Variants in MYO7A observed in about 807,000 individuals in gnomAD.
MYO7A encodes the protein unconventional myosin-VIIa.
A neutral mutation model predicts 263.8 loss-of-function variants in MYO7A; 210 were observed. The ratio of observed to expected loss-of-function variants is 0.80; its 90% CI spans 0.71 to 0.89. MYO7A has a LOEUF of 0.89. MYO7A is among the 40% of genes least tolerant of loss of function. The probability of loss-of-function intolerance (pLI) is 0.00; values close to 1 mark genes in which losing one functional copy is unlikely to be tolerated. For synonymous variants in MYO7A, 1,239 were observed against 1,197.3 expected, an observed-to-expected ratio of 1.03 and a Z score of -0.72; for missense variants, 2,820 against 2,968.3, an observed-to-expected ratio of 0.95 and a Z score of 1.16.
chr11:77,147,241 A>G (rs1313220318), intron 3 of MYO7A, among the ~76,000 whole-genome samples: 5 of 148,956 alleles, frequency 3.4e-5, no homozygotes, highest in African/African-American at 1.0e-4. Context: ...TAATCTTTTT[A>G]CAGTGGTCTC....
intron 26 of MYO7A, among the ~76,000 whole-genome samples, chr11:77,183,431 G>A (rs555207917): frequency 6.6e-6 from 1 of 152,370 alleles, no homozygotes; most frequent in South Asian, 2.1e-4. Context: ...TAGCGGCACA[G>A]CTGAGAGGGA....
rs1957822119 is a variant in MYO7A at position 77,210,980 on chromosome 11, T to C, written c.6052-172T>C. The C allele has an allele frequency of 3.2e-5, 20 of 630,452 alleles. No individual in the cohort carries two copies. The South Asian group carries it at 3.7e-4, about 12-fold the overall frequency. 39.1% of individuals were successfully genotyped at this position (630,452 alleles called of 1,614,324 possible). On this transcript the variant is annotated intron_variant, in intron 44 of 48. Coordinates refer to ENST00000409709, the MANE Select transcript of MYO7A (RefSeq NM_000260.4). ...TGTGCAGGCAGACTTGCTCTGTCCC[T>C]GTCCTGTGCCGTATCCCCTGGGGGA...
intron 26 of MYO7A, among the ~76,000 whole-genome samples, chr11:77,183,430 A>C (rs1555086287): frequency 6.6e-6 from 1 of 152,238 alleles, no homozygotes; most frequent in East Asian, 1.9e-4. Context: ...GTAGCGGCAC[A>C]GCTGAGAGGG....
chr11:77,174,988 A>T, intron 17 of MYO7A, 74 bp downstream of exon 17: 3 of 1,567,878 alleles, frequency 1.9e-6, no homozygotes, highest in East Asian at 2.3e-5. Context: ...CAATTTTCTT[A>T]TCAGGACCAT....
At chr11:77,139,944 C>T (rs1164677799) in intron 2 of MYO7A, among the ~76,000 whole-genome samples, 1 of 152,186 alleles carries the variant, frequency 6.6e-6, no homozygotes, top group Non-Finnish European at 1.5e-5. Flanking sequence ...CCCCAGAATT[C>T]TCCCTGAAGC....
chr11:77,182,077 G>C lies in MYO7A; in HGVS notation c.3031G>C (p.Gly1011Arg), dbSNP rs1555085030. ...CAAGTTCGCGGCCACCTACTTCCAG[G>C]GGACAACCACGCACTCCTACACCCG... ...FAKFAATYFQ[G>R]TTTHSYTRRP... Residue 1011 changes from glycine (G) to arginine (R), a missense_variant, in exon 24 of 49, where the codon GGG (glycine) becomes CGG (arginine). Physicochemically the swap from Gly to Arg is moderately radical, Grantham distance 125. Coordinates refer to ENST00000409709, the MANE Select transcript of MYO7A (RefSeq NM_000260.4). The C allele has an allele frequency of 6.2e-7, 1 of 1,613,126 alleles. No individual in the cohort carries two copies. Among genetic ancestry groups the C allele is most frequent in the African/African-American group, 1.3e-5 (1 of 74,858 alleles).
Position 77,162,238 on chromosome 11 carries a change from G to A in MYO7A, c.1462G>A (p.Glu488Lys), listed in dbSNP as rs782602158. The A allele has an allele frequency of 1.5e-5, 24 of 1,567,956 alleles. No homozygotes were observed. Among genetic ancestry groups the A allele is most frequent in the Middle Eastern group, 1.7e-4 (1 of 6,026 alleles). The change falls in exon 13 of 49, where the codon GAG (glutamate) becomes AAG (lysine). Residue 488 changes from glutamate to lysine, a missense_variant. Transcript: ENST00000409709. ...DLESIDWLHI[E>K]FTDNQDALDM... ...GGAGAGCATTGACTGGCTGCACATC[G>A]AGTTCACTGACAACCAGGATGCCCT...
chr11:77,196,653 C>T (rs12286111), intron 32 of MYO7A, among the ~76,000 whole-genome samples: 9,254 of 152,196 alleles, frequency 0.061, 737 homozygotes, highest in African/African-American at 0.19. Context: ...TTCTCTGAGT[C>T]ATTTGAGCTT....
At chr11:77,164,061 C>A (rs1555070963) in intron 14 of MYO7A, among the ~76,000 whole-genome samples, 1 of 152,150 alleles carries the variant, frequency 6.6e-6, no homozygotes, top group African/African-American at 2.4e-5. Context: ...CCCAGTTACC[C>A]CCTAAGACTC....
chr11:77,183,240 C>A, intron 26 of MYO7A, 83 bp downstream of exon 26: 1 of 1,216,714 alleles, frequency 8.2e-7, no homozygotes. Flanking sequence ...AGCTGGGGGC[C>A]CACGGAAGCA....
chr11:77,191,825 G>A (rs1591422225), intron 30 of MYO7A, among the ~76,000 whole-genome samples: 1 of 152,244 alleles, frequency 6.6e-6, no homozygotes, highest in East Asian at 1.9e-4. Context: ...ACTAGAAAAT[G>A]GGAATTCCCA....
At position 77,156,499 on chromosome 11, in the gene MYO7A, G is replaced by C. The variant is rs149559658; in HGVS notation, c.471-161G>C. Among the ~76,000 whole-genome samples, 378 of 152,304 alleles carry C rather than the reference G, an allele frequency of 2.5e-3. 1 individual carries two copies. Among genetic ancestry groups the C allele is most frequent in the African/African-American group, 8.7e-3 (361 of 41,560 alleles). On this transcript the variant is annotated intron_variant, in intron 5 of 48. Coordinates refer to ENST00000409709, the MANE Select transcript of MYO7A (RefSeq NM_000260.4). ...AACGAAGGTGAAGGAGAGTGCGGTG[G>C]AGCACTGGGCCCTTGAGCCCTGCCC...
intron 34 of MYO7A, 78 bp downstream of exon 34, chr11:77,198,699 G>T: frequency 1.3e-6 from 2 of 1,590,962 alleles, no homozygotes; most frequent in Non-Finnish European, 1.7e-6. Flanking sequence ...GTCACAGGAA[G>T]TGAAGAGGCA....
chr11:77,157,864 G>A (rs1021764885), intron 8 of MYO7A, among the ~76,000 whole-genome samples: 4 of 152,200 alleles, frequency 2.6e-5, no homozygotes, highest in African/African-American at 7.2e-5. Flanking sequence ...AACCCTGCTC[G>A]TATGCAGTTA....
At chr11:77,183,198 T>TGCCTTAGGTGGCC (rs1955402751) in intron 26 of MYO7A, 41 bp downstream of exon 26, 1 of 1,515,180 alleles carries the variant, frequency 6.6e-7, no homozygotes, top group Non-Finnish European at 9.0e-7. Flanking sequence ...CAGGGGTGGC[T>TGCCTTAGGTGGCC]GCCTTAGGTG....
Position 77,183,124 on chromosome 11 carries a change from G to T in MYO7A, c.3342G>T (p.Leu1114Phe). 1 of 1,552,432 alleles carries T rather than the reference G, an allele frequency of 6.4e-7. No individual in the cohort carries two copies. Residue 1114 changes from leucine (L) to phenylalanine (F), a missense_variant, in exon 26 of 49, where the codon TTG becomes TTT. By Grantham distance (22) the Leu-to-Phe change is conservative (BLOSUM62 0). Transcript: ENST00000409709. The stretch of plus-strand genomic sequence containing the variant: ...GTGTGAGGCACAAGCTGGTGCATTT[G>T]ACTCTGAAAAAGAAGTCCAAGCTCA... ...KSSVRHKLVH[L>F]TLKKKSKLTE...
intron 4 of MYO7A, among the ~76,000 whole-genome samples, chr11:77,150,937 C>G (rs556713556): frequency 8.4e-4 from 128 of 152,324 alleles, no homozygotes; most frequent in Non-Finnish European, 1.6e-3. Context: ...ATGGCAACCC[C>G]CCGTCCCTTC....
chr11:77,145,948 C>T (rs1951529320), intron 3 of MYO7A, among the ~76,000 whole-genome samples: 2 of 152,198 alleles, frequency 1.3e-5, no homozygotes, highest in Non-Finnish European at 2.9e-5. Context: ...GACCTGGTCC[C>T]CCGCAGTCAC....
chr11:77,145,341 G>A (rs891718706), intron 3 of MYO7A, among the ~76,000 whole-genome samples: 2 of 152,174 alleles, frequency 1.3e-5, no homozygotes, highest in African/African-American at 4.8e-5. Flanking sequence ...TGGGAAGAAG[G>A]GATTCTTACT....
Sources: allele counts gnomAD v4.1 joint callset (sites outside exome capture counted in the v4.1 genomes callset), GRCh38; gene constraint gnomAD v4.1.1; transcripts MANE v1.5; gene names NCBI Gene and HGNC (gene_info 2026-07-23, HGNC 2026-07-21).